The following CYP7B1 variants were observed in gnomAD, a reference collection of about 807,000 sequenced individuals.
CYP7B1 encodes cytochrome P450 family 7 subfamily B member 1.
A neutral mutation model predicts 42.7 loss-of-function variants in CYP7B1; 29 were observed. The observed-to-expected ratio is 0.68, with a 90% CI of 0.51 to 0.93. CYP7B1 has a LOEUF of 0.93. CYP7B1 is among the 40% of genes least tolerant of loss of function. The pLI is 0.00. For missense variants in CYP7B1, 655 were observed against 600.5 expected (o/e 1.09, Z -0.95); for synonymous variants, 235 against 218.2 (o/e 1.08, Z -0.68).
intron 1 of CYP7B1, among the ~76,000 whole-genome samples, chr8:64,688,817 C>T (rs1179389144): frequency 1.3e-5 from 2 of 152,120 alleles, no homozygotes; most frequent in Non-Finnish European, 1.5e-5. Context: ...GTCTCAGCTA[C>T]TCAGGAGACT....
In CYP7B1 at chr8:64,594,751, G is replaced by T. The variant is rs184507245; in HGVS notation, c.*1891C>A. On this transcript the variant is annotated 3_prime_UTR_variant, in exon 6 of 6. Coordinates refer to ENST00000310193, the MANE Select transcript of CYP7B1 (RefSeq NM_004820.5). The stretch of plus-strand genomic sequence containing the variant: ...ACTGTTCAAAGAAGAAACTGGAAGA[G>T]ACATCTAAAGAAATTACATGGAGTG... Among the ~76,000 whole-genome samples the T allele has an allele frequency of 6.6e-6, 1 of 152,314 alleles. No individual in the cohort carries two copies. Among genetic ancestry groups the T allele is most frequent in the Non-Finnish European group, 1.5e-5 (1 of 68,028 alleles).
chr8:64,755,305 T>TATTTGTA (rs1480825590), intron 1 of CYP7B1, among the ~76,000 whole-genome samples: 1 of 152,242 alleles, frequency 6.6e-6, no homozygotes, highest in Non-Finnish European at 1.5e-5. Flanking sequence ...TCTTCCATTT[T>TATTTGTA]ATTTGTAACA....
intron 1 of CYP7B1, among the ~76,000 whole-genome samples, chr8:64,726,673 A>T (rs1227106128): frequency 5.9e-5 from 9 of 152,224 alleles, no homozygotes; most frequent in African/African-American, 2.2e-4. Context: ...TAAATGTGAG[A>T]AGCTTGTGTG....
In CYP7B1 at chr8:64,621,814, C is replaced by T. The variant is rs546068666; in HGVS notation, c.259+2589G>A. Among the ~76,000 whole-genome samples the T allele has an allele frequency of 6.7e-5, 10 of 150,118 alleles. No homozygotes were observed. The South Asian group carries it at 2.1e-3, about 32-fold the overall frequency. ...GCAGTGGTACGATCTCGGCTCACTG[C>T]AACCTCCGCCTCCCGGGTTCAAGCG... is the stretch of plus-strand genomic sequence containing the variant. On this transcript the variant is annotated intron_variant, in intron 2 of 5. Transcript: ENST00000310193.
chr8:64,700,964 G>A (rs1806907341), intron 1 of CYP7B1, among the ~76,000 whole-genome samples: 1 of 151,894 alleles, frequency 6.6e-6, no homozygotes, highest in Non-Finnish European at 1.5e-5. Context: ...CTAAAAGGTG[G>A]CTATTTTAAT....
chr8:64,746,668 G>C lies in CYP7B1; in HGVS notation c.122+51798C>G, dbSNP rs932430434. ...TTTTAATTTCAAAAACAAATTATTA[G>C]AAACAGGAAAGTAAACGTGTTATAA... On this transcript the variant is annotated intron_variant, in intron 1 of 5. Coordinates refer to ENST00000310193, the MANE Select transcript of CYP7B1 (RefSeq NM_004820.5). 4.6e-5 allele frequency among the ~76,000 whole-genome samples: 7 copies of C among 152,104 alleles called. No homozygotes were observed. In the East Asian group the frequency reaches 5.8e-4, roughly 13 times the overall value.
At chr8:64,764,835 A>G (rs1416780499) in intron 1 of CYP7B1, among the ~76,000 whole-genome samples, 3 of 152,214 alleles carry the variant, frequency 2.0e-5, no homozygotes, top group Admixed American at 6.5e-5. Flanking sequence ...ATTCTGTTAG[A>G]AAAAGGTGAT....
At chr8:64,708,540 C>G (rs925432909) in intron 1 of CYP7B1, among the ~76,000 whole-genome samples, 2 of 152,096 alleles carry the variant, frequency 1.3e-5, no homozygotes, top group Non-Finnish European at 2.9e-5. Context: ...TGAACCTAGG[C>G]GTTTCAGTTT....
chr8:64,606,111 T>C (rs73689554), intron 4 of CYP7B1, among the ~76,000 whole-genome samples: 182 of 152,324 alleles, frequency 1.2e-3, no homozygotes, highest in African/African-American at 4.1e-3. Context: ...CGGTCAGCTT[T>C]GTGTGGCCAG....
intron 1 of CYP7B1, among the ~76,000 whole-genome samples, chr8:64,697,727 A>G (rs372304394): frequency 6.6e-6 from 1 of 152,220 alleles, no homozygotes; most frequent in Admixed American, 6.5e-5. Context: ...GAGACTATGT[A>G]GCATCCCCAA....
chr8:64,795,507 C>A (rs1804690645), intron 1 of CYP7B1, among the ~76,000 whole-genome samples: 1 of 152,144 alleles, frequency 6.6e-6, no homozygotes, highest in South Asian at 2.1e-4. Flanking sequence ...GTGCTCACTG[C>A]CTATTTAACA....
intron 1 of CYP7B1, among the ~76,000 whole-genome samples, chr8:64,633,089 T>C (rs537773126): frequency 2.6e-5 from 4 of 152,274 alleles, no homozygotes; most frequent in Non-Finnish European, 5.9e-5. Context: ...AGTTCAGATA[T>C]GAAGAAATAA....
At chr8:64,742,748 C>T (rs890191110) in intron 1 of CYP7B1, among the ~76,000 whole-genome samples, 1 of 151,978 alleles carries the variant, frequency 6.6e-6, no homozygotes, top group South Asian at 2.1e-4. Flanking sequence ...CTTGTGCTTC[C>T]GTGTGTACCT....
intron 1 of CYP7B1, among the ~76,000 whole-genome samples, chr8:64,716,124 T>C (rs1807151104): frequency 6.6e-6 from 1 of 152,230 alleles, no homozygotes; most frequent in Non-Finnish European, 1.5e-5. Flanking sequence ...TTTTTAGCTG[T>C]CTCTCAAATT....
intron 1 of CYP7B1, among the ~76,000 whole-genome samples, chr8:64,714,559 T>C (rs1807126105): frequency 6.6e-6 from 1 of 152,232 alleles, no homozygotes; most frequent in African/African-American, 2.4e-5. Flanking sequence ...GGGTTCTTGC[T>C]GACACATGTA....
chr8:64,671,848 T>G (rs1806372019), intron 1 of CYP7B1, among the ~76,000 whole-genome samples: 1 of 152,182 alleles, frequency 6.6e-6, no homozygotes, highest in Non-Finnish European at 1.5e-5. Flanking sequence ...TTTTGGAACT[T>G]ACATTTTTCC....
chr8:64,753,157 C>T (rs1467876698), intron 1 of CYP7B1, among the ~76,000 whole-genome samples: 1 of 152,156 alleles, frequency 6.6e-6, no homozygotes, highest in African/African-American at 2.4e-5. Flanking sequence ...ATGGTTAACA[C>T]TCTTTTAAAA....
intron 1 of CYP7B1, among the ~76,000 whole-genome samples, chr8:64,647,416 T>C (rs756801381): frequency 2.9e-4 from 44 of 152,332 alleles, no homozygotes; most frequent in East Asian, 2.5e-3. Context: ...ATTTGCTTAA[T>C]TCAGGACTGC....
chr8:64,700,043 G>A (rs1055860271), intron 1 of CYP7B1, among the ~76,000 whole-genome samples: 1 of 152,132 alleles, frequency 6.6e-6, no homozygotes, highest in African/African-American at 2.4e-5. Flanking sequence ...AATAGGATAA[G>A]TGACCTTGTG....
Sources: gnomAD v4.1 joint callset for allele counts (sites outside exome capture counted in the v4.1 genomes callset) on GRCh38, gnomAD v4.1.1 for gene constraint, MANE v1.5 for transcripts, NCBI Gene and HGNC (gene_info 2026-07-23, HGNC 2026-07-21) for gene names.